HRC: variants seen among roughly 807,000 people sequenced by gnomAD.
HRC encodes sarcoplasmic reticulum histidine-rich calcium-binding protein.
HRC carries 41 observed loss-of-function variants against 61.4 expected under a neutral mutation model. The observed-to-expected ratio is 0.67, with a 90% CI of 0.52 to 0.87. The LOEUF is 0.87. Among genes scored for constraint, HRC ranks in the 40% least tolerant of loss-of-function variants. HRC has a pLI of 0.00. For synonymous variants in HRC, 308 were observed against 326.6 expected, an observed-to-expected ratio of 0.94 and a Z score of 0.62; for missense variants, 839 against 885.8, an observed-to-expected ratio of 0.95 and a Z score of 0.67.
Position 49,154,888 on chromosome 19 carries a change from C to T in HRC, c.350G>A (p.Gly117Asp), listed in dbSNP as rs2122695145. The T allele has an allele frequency of 1.2e-6, 2 of 1,614,168 alleles. No homozygotes were observed. Among genetic ancestry groups the T allele is most frequent in the East Asian group, 4.5e-5 (2 of 44,874 alleles). ...RSQDHKVGDE[G>D]VSGEEVFAEH... is the part of the protein sequence containing the mutation. Reference sequence around the variant, plus strand: ...TGCAAAGACCTCCTCACCTGAGACACCCTCATCTCCGACTTTGTGGTCTTG... The same window carrying T: ...TGCAAAGACCTCCTCACCTGAGACATCCTCATCTCCGACTTTGTGGTCTTG... Residue 117 changes from glycine (G) to aspartate (D), a missense_variant, in exon 1 of 6, where the codon GGT (glycine) becomes GAT (aspartate). Physicochemically the swap from Gly to Asp is moderately conservative, Grantham distance 94 (BLOSUM62 -1). Coordinates refer to ENST00000252825, the MANE Select transcript of HRC (RefSeq NM_002152.3).
chr19:49,153,912 C>T lies in HRC; in HGVS notation c.1326G>A (p.Arg442=). 1 of 1,614,166 alleles carries T rather than the reference C, an allele frequency of 6.2e-7. No homozygotes were observed. The highest frequency in any genetic ancestry group is 1.6e-4 in the Middle Eastern group (1 of 6,062). Residue 442 remains arginine (R), a synonymous_variant, in exon 1 of 6, where the codon AGG becomes AGA. Transcript: ENST00000252825. The surrounding 1 kb of genome is among the most constrained non-coding windows in gnomAD (Gnocchi z 4.8). The stretch of plus-strand genomic sequence containing the variant: ...CAGTTTCTTCATCTTGGTGGCTTTG[C>T]CTGTGGCTGGGGGCCTGGTGGCCAA... ...AELGHQAPSH[R]QSHQDEETGH... is the part of the protein sequence containing the mutation.
rs1473064820 is a variant in HRC at position 49,151,284 on chromosome 19, C to G, written c.*12G>C. On this transcript the variant is annotated 3_prime_UTR_variant, in exon 6 of 6. Transcript: ENST00000252825. ...GGGGGAGGTACACCTGCGTCGCAGT[C>G]GAGCGACTGGGTCAGGGTTCCGGCG... The G allele has an allele frequency of 6.5e-7, 1 of 1,548,106 alleles. No homozygotes were observed. The highest frequency in any genetic ancestry group is 2.4e-5 in the East Asian group (1 of 41,494).
intron 3 of HRC, 75 bp downstream of exon 3, chr19:49,152,235 A>G: frequency 7.1e-7 from 1 of 1,416,400 alleles, no homozygotes; most frequent in Non-Finnish European, 9.9e-7. Flanking sequence ...GCCAGGATTT[A>G]GGGCTGGGGG....
chr19:49,151,254 A>AGGC lies in HRC; in HGVS notation c.*39_*41dup. 6.7e-7 allele frequency: 1 copy of AGGC among 1,497,558 alleles called. No individual in the cohort carries two copies. The highest frequency in any genetic ancestry group is 9.0e-7 in the Non-Finnish European group (1 of 1,110,728). The allele number at this position is 1,497,558 out of a possible 1,614,324, so 92.8% of individuals were successfully genotyped here. ...ATATAGCTCGTGGAAAGGGGTTGGA[A>AGGC]GGCAGGGGGAGGTACACCTGCGTCG... On this transcript the variant is annotated 3_prime_UTR_variant, in exon 6 of 6. Transcript: ENST00000252825.
Position 49,153,211 on chromosome 19 carries a change from G to C in HRC, c.1902+50C>G. 6.9e-7 allele frequency: 1 copy of C among 1,456,698 alleles called. No individual in the cohort carries two copies. Among genetic ancestry groups the C allele is most frequent in the African/African-American group, 1.4e-5 (1 of 71,884 alleles). 90.2% of individuals were successfully genotyped at this position (1,456,698 alleles called of 1,614,324 possible). ...CCACAGCACCACCCCAGGGCCCCTG[G>C]GACAGATTCTGGGGACACCTTGGTG... On this transcript the variant is annotated intron_variant, in intron 2 of 5. Coordinates refer to ENST00000252825, the MANE Select transcript of HRC (RefSeq NM_002152.3). This position sits in a 1 kb window ranked among gnomAD's most constrained non-coding sequence, Gnocchi z 4.8.
At position 49,151,222 on chromosome 19, in the gene HRC, GAAAT is replaced by G; in HGVS notation, c.*70_*73del. The G allele has an allele frequency of 7.8e-7, 1 of 1,287,760 alleles. No homozygotes were observed. The highest frequency in any genetic ancestry group is 1.4e-5 in the South Asian group (1 of 71,016). 79.8% of individuals were successfully genotyped at this position (1,287,760 alleles called of 1,614,324 possible). On this transcript the variant is annotated 3_prime_UTR_variant, in exon 6 of 6. Transcript: ENST00000252825. ...GTTTCGGGGAGCACGTTTATTCGGA[GAAAT>G]AAATATAGCTCGTGGAAAGGGGTTG...
intron 3 of HRC, 121 bp from the exon 4 acceptor site, chr19:49,152,179 G>A (rs1027447172): frequency 6.3e-6 from 8 of 1,260,516 alleles, no homozygotes; most frequent in Admixed American, 1.7e-5. Context: ...AGTCAGGATC[G>A]CTTGTGGAGT....
Position 49,155,131 on chromosome 19 carries a change from C to G in HRC, c.107G>C (p.Gly36Ala). 6.2e-7 allele frequency: 1 copy of G among 1,613,650 alleles called. No individual in the cohort carries two copies. The highest frequency in any genetic ancestry group is 8.5e-7 in the Non-Finnish European group (1 of 1,179,654). ...AGTGCTGTTGTTCCGGTTTCTGAAG[C>G]CTAGCCCATCCCCTCTGAGCTGCTG... ...MTQQLRGDGL[G>A]FRNRNNSTGV... Residue 36 changes from glycine (G) to alanine (A), a missense_variant, in exon 1 of 6, where the codon GGC becomes GCC. Physicochemically the swap from Gly to Ala is moderately conservative, Grantham distance 60. Coordinates refer to ENST00000252825, the MANE Select transcript of HRC (RefSeq NM_002152.3). The surrounding 1 kb of genome is among the most constrained non-coding windows in gnomAD (Gnocchi z 4.7).
In HRC at chr19:49,154,149, G is replaced by A. The variant is rs547047177; in HGVS notation, c.1089C>T (p.His363=). Reference sequence around the variant, plus strand: ...CATGGTGGACATGTTGGGGACCCTGGTGCCAACGTTCAGTGGACACATCCT... The same window carrying A: ...CATGGTGGACATGTTGGGGACCCTGATGCCAACGTTCAGTGGACACATCCT... ...EDEDVSTERW[H]QGPQHVHHGL... is the part of the protein sequence containing the mutation. The change falls in exon 1 of 6, where the codon CAC becomes CAT. Residue 363 remains histidine, a synonymous_variant. Coordinates refer to ENST00000252825, the MANE Select transcript of HRC (RefSeq NM_002152.3). 5.6e-6 allele frequency: 9 copies of A among 1,614,036 alleles called. No individual in the cohort carries two copies. The South Asian group carries it at 6.6e-5, about 12-fold the overall frequency.
At position 49,153,101 on chromosome 19, in the gene HRC, T is replaced by TTCA. The variant is rs3217248; in HGVS notation, c.1902+157_1902+159dup. On this transcript the variant is annotated intron_variant, in intron 2 of 5. Coordinates refer to ENST00000252825, the MANE Select transcript of HRC (RefSeq NM_002152.3). This position sits in a 1 kb window ranked among gnomAD's most constrained non-coding sequence, Gnocchi z 4.8. ...GGACCACTGCCCCAGCCTCCCAGCC[T>TTCA]TCAGTCTGTCCTCACCTCACATGCC... is the stretch of plus-strand genomic sequence containing the variant. Among the ~76,000 whole-genome samples the TTCA allele has an allele frequency of 0.34, 52,066 of 151,750 alleles. 10,458 individuals carry two copies. The highest frequency in any genetic ancestry group is 0.46 in the South Asian group (2,205 of 4,806).
At position 49,154,990 on chromosome 19, in the gene HRC, C is replaced by T. The variant is rs1365551033; in HGVS notation, c.248G>A (p.Trp83Ter). 2 of 1,614,218 alleles carry T rather than the reference C, an allele frequency of 1.2e-6. No homozygotes were observed. The highest frequency in any genetic ancestry group is 2.2e-5 in the South Asian group (2 of 91,080). ...CTCCTTTTCACGGTCTGGGTGGCTC[C>T]AGAAATGATGCCCATTCTCTGTGGA... is the stretch of plus-strand genomic sequence containing the variant. ...DVSTENGHHF[W>*]SHPDREKEDE... Residue 83 changes from tryptophan (W) to a stop codon, truncating the protein, a stop_gained, in exon 1 of 6, where the codon TGG (tryptophan) becomes TAG (stop). Coordinates refer to ENST00000252825, the MANE Select transcript of HRC (RefSeq NM_002152.3). LOFTEE classifies it high-confidence loss of function.
At chr19:49,151,390 C>T (rs998187626) in intron 5 of HRC, 58 bp from the exon 6 acceptor site, 21 of 1,565,020 alleles carry the variant, frequency 1.3e-5, no homozygotes, top group Non-Finnish European at 1.8e-5. Flanking sequence ...CCCCAGGACG[C>T]TTAGAGATCA....
chr19:49,152,521 A>C, intron 2 of HRC, 143 bp from the exon 3 acceptor site: 3 of 542,226 alleles, frequency 5.5e-6, no homozygotes, highest in Admixed American at 3.6e-5. Context: ...CTGCCCCCCA[A>C]ACCAGCCTCC....
In HRC at chr19:49,155,009, C is replaced by T. The variant is rs779130783; in HGVS notation, c.229G>A (p.Glu77Lys). 4 of 1,614,266 alleles carry T rather than the reference C, an allele frequency of 2.5e-6. No homozygotes were observed. The highest frequency in any genetic ancestry group is 3.4e-6 in the Non-Finnish European group (4 of 1,180,052). Reference protein sequence around the residue: ...HPDENKDVSTENGHHFWSHPD... With the variant: ...HPDENKDVSTKNGHHFWSHPD... ...TGGCTCCAGAAATGATGCCCATTCTCTGTGGAAACATCCTTGTTCTCATCT... is the reference window on the plus strand; with the variant it reads ...TGGCTCCAGAAATGATGCCCATTCTTTGTGGAAACATCCTTGTTCTCATCT... Residue 77 changes from glutamate (E) to lysine (K), a missense_variant, in exon 1 of 6, where the codon GAG becomes AAG. Transcript: ENST00000252825. This position sits in a 1 kb window ranked among gnomAD's most constrained non-coding sequence, Gnocchi z 4.7.
In HRC at chr19:49,153,323, C is replaced by T; in HGVS notation, c.1840G>A (p.Asp614Asn). ...TGGTAGTTCCCATACTCCTGAGCAT[C>T]CTGTGGACCTGCGGGGACAGGAGGG... Reference protein sequence around the residue: ...EESGEDTGPQDAQEYGNYQPG... With the variant: ...EESGEDTGPQNAQEYGNYQPG... Residue 614 changes from aspartate to asparagine, a missense_variant, in exon 2 of 6, where the codon GAT becomes AAT. Transcript: ENST00000252825. This position sits in a 1 kb window ranked among gnomAD's most constrained non-coding sequence, Gnocchi z 4.8. The T allele has an allele frequency of 6.2e-7, 1 of 1,613,932 alleles. No individual in the cohort carries two copies. Among genetic ancestry groups the T allele is most frequent in the Non-Finnish European group, 8.5e-7 (1 of 1,179,858 alleles).
At chr19:49,152,816 C>T (rs2041375010) in intron 2 of HRC, among the ~76,000 whole-genome samples, 1 of 151,886 alleles carries the variant, frequency 6.6e-6, no homozygotes, top group Admixed American at 6.6e-5. Context: ...CGTGTTCCGC[C>T]CACCCTGGCC....
Position 49,154,429 on chromosome 19 carries a change from G to A in HRC, c.809C>T (p.Ala270Val), listed in dbSNP as rs2041396740. 6.3e-7 allele frequency: 1 copy of A among 1,585,426 alleles called. No individual in the cohort carries two copies. The highest frequency in any genetic ancestry group is 8.6e-7 in the Non-Finnish European group (1 of 1,161,210). ...AATCCCGTGGCCTTGGTGCCTGTGA[G>A]CCTGGTGTCTATATTCAATGGAGAC... ...DDVSIEYRHQ[A>V]HRHQGHGIEE... is the part of the protein sequence containing the mutation. Residue 270 changes from alanine (A) to valine (V), a missense_variant, in exon 1 of 6, where the codon GCT (alanine) becomes GTT (valine). Coordinates refer to ENST00000252825, the MANE Select transcript of HRC (RefSeq NM_002152.3).
At chr19:49,151,648 C>T in intron 4 of HRC, 95 bp from the exon 5 acceptor site, 1 of 1,058,604 alleles carries the variant, frequency 9.4e-7, no homozygotes, top group Non-Finnish European at 1.4e-6. Flanking sequence ...GCTAGCTCCA[C>T]CTCCTTTTCC....
Position 49,153,211 on chromosome 19 carries a change from G to T in HRC, c.1902+50C>A, listed in dbSNP as rs760044604. ...CCACAGCACCACCCCAGGGCCCCTG[G>T]GACAGATTCTGGGGACACCTTGGTG... On this transcript the variant is annotated intron_variant, in intron 2 of 5. Coordinates refer to ENST00000252825, the MANE Select transcript of HRC (RefSeq NM_002152.3). This position sits in a 1 kb window ranked among gnomAD's most constrained non-coding sequence, Gnocchi z 4.8. 6.9e-7 allele frequency: 1 copy of T among 1,456,580 alleles called. No homozygotes were observed. Among genetic ancestry groups the T allele is most frequent in the Non-Finnish European group, 9.6e-7 (1 of 1,038,804 alleles). 90.2% of individuals were successfully genotyped at this position (1,456,580 alleles called of 1,614,324 possible). A position where few individuals can be genotyped will look rare whatever the true frequency, so the allele number is the denominator to read the frequency against.
Sources: gnomAD v4.1 joint callset for allele counts (sites outside exome capture counted in the v4.1 genomes callset) on GRCh38, gnomAD v4.1.1 for gene constraint, Gnocchi (gnomAD v3.1) non-coding constraint, MANE v1.5 for transcripts, NCBI Gene and HGNC (gene_info 2026-07-23, HGNC 2026-07-21) for gene names.